Variants in NFIA observed in about 807,000 individuals in gnomAD.
NFIA encodes nuclear factor I A.
NFIA carries 8 observed loss-of-function variants against 62.8 expected under a neutral mutation model. The ratio of observed to expected loss-of-function variants is 0.13; its 90% CI spans 0.07 to 0.23. NFIA has a LOEUF of 0.23. NFIA is among the 10% of genes least tolerant of loss of function. The pLI is 1.00. For synonymous variants in NFIA, 235 were observed against 238.1 expected (o/e 0.99, Z 0.12); for missense variants, 410 against 642.1 (o/e 0.64, Z 3.91).
intron 2 of NFIA, among the ~76,000 whole-genome samples, chr1:61,152,754 T>G (rs1173544566): frequency 6.6e-6 from 1 of 152,214 alleles, no homozygotes; most frequent in African/African-American, 2.4e-5. Flanking sequence ...AAATTTGAGC[T>G]CTGCCTCCAC....
chr1:61,079,279 A>G (rs1030200664), upstream of NFIA, among the ~76,000 whole-genome samples: 7 of 152,258 alleles, frequency 4.6e-5, no homozygotes, highest in Admixed American at 4.6e-4. Context: ...GTCGCTTATG[A>G]ATCCCAGTCC....
chr1:61,343,276 T>G (rs572533371), intron 4 of NFIA, among the ~76,000 whole-genome samples: 3 of 152,364 alleles, frequency 2.0e-5, no homozygotes, highest in Admixed American at 2.0e-4. Context: ...TAATTATCTG[T>G]CAAAGATAAA....
intron 2 of NFIA, among the ~76,000 whole-genome samples, chr1:61,183,583 G>C (rs918392430): frequency 6.6e-6 from 1 of 152,232 alleles, no homozygotes; most frequent in African/African-American, 2.4e-5. Flanking sequence ...TGGCCAATCA[G>C]ATGTGATCTT....
In NFIA at chr1:61,226,077, CAT is replaced by C. The variant is rs927018767; in HGVS notation, c.560-51442_560-51441del. On this transcript the variant is annotated intron_variant, in intron 2 of 10. Transcript: ENST00000403491. ...AATGAAACAGTGGACATACAACAAA[CAT>C]GTGTAACAGAAGAAAACCCAACTTT... 1.4e-4 allele frequency among the ~76,000 whole-genome samples: 21 copies of C among 152,248 alleles called. 1 individual carries two copies. In the South Asian group the frequency reaches 2.9e-3, roughly 21 times the overall value.
rs1485714323 is a variant in NFIA, at chr1:61,367,048, G to A, written c.946+7774G>A. Among the ~76,000 whole-genome samples, 3 of 152,248 alleles carry A rather than the reference G, an allele frequency of 2.0e-5. No individual in the cohort carries two copies. The East Asian group carries it at 5.8e-4, about 29-fold the overall frequency. On this transcript the variant is annotated intron_variant, in intron 6 of 10. Transcript: ENST00000403491. ...GAATATTTCGGTAAACATCTGGTCA[G>A]TCAGCGACCCAGGGCATTCAGAACT...
At chr1:61,142,360 C>T (rs971736680) in intron 2 of NFIA, among the ~76,000 whole-genome samples, 1 of 152,064 alleles carries the variant, frequency 6.6e-6, no homozygotes, top group African/African-American at 2.4e-5. Flanking sequence ...GGCTGAGTCC[C>T]GGCAAATTTC....
At chr1:61,218,302 C>T (rs187881309) in intron 2 of NFIA, among the ~76,000 whole-genome samples, 3 of 152,224 alleles carry the variant, frequency 2.0e-5, no homozygotes, top group Admixed American at 2.0e-4. Context: ...GGTTCTTCAC[C>T]GAATGTTCAT....
At chr1:61,244,835 C>A (rs554380666) in intron 2 of NFIA, among the ~76,000 whole-genome samples, 2 of 152,128 alleles carry the variant, frequency 1.3e-5, no homozygotes, top group South Asian at 4.1e-4. Context: ...TACGTACACA[C>A]CTAATAGACT....
At chr1:61,213,116 A>G (rs994071135) in intron 2 of NFIA, among the ~76,000 whole-genome samples, 1 of 152,236 alleles carries the variant, frequency 6.6e-6, no homozygotes, top group African/African-American at 2.4e-5. Context: ...AAATCGGGAA[A>G]GTATAACCCC....
intron 2 of NFIA, among the ~76,000 whole-genome samples, chr1:61,161,363 G>A (rs188127340): frequency 1.4e-3 from 218 of 152,296 alleles, no homozygotes; most frequent in African/African-American, 5.0e-3. Flanking sequence ...AGACCTCCTC[G>A]ATGAGGTCTA....
chr1:61,406,828 C>T (rs1665862766), intron 9 of NFIA, 101 bp downstream of exon 9: 1 of 1,283,690 alleles, frequency 7.8e-7, no homozygotes, highest in Non-Finnish European at 1.0e-6. Context: ...TAGAAAGAGG[C>T]ACAGATCCCC....
chr1:61,272,935 A>C (rs1657602213), intron 2 of NFIA, among the ~76,000 whole-genome samples: 2 of 152,200 alleles, frequency 1.3e-5, no homozygotes, highest in South Asian at 4.1e-4. Flanking sequence ...ATAAAATTCT[A>C]ACAAAGGCTC....
intron 3 of NFIA, among the ~76,000 whole-genome samples, chr1:61,277,886 A>T (rs551930146): frequency 9.6e-4 from 146 of 151,732 alleles, no homozygotes; most frequent in African/African-American, 3.4e-3. Context: ...ACCAAATCAG[A>T]TTTTTTTTTA....
chr1:61,255,291 C>T (rs1656308631), intron 2 of NFIA, among the ~76,000 whole-genome samples: 1 of 152,194 alleles, frequency 6.6e-6, no homozygotes. Flanking sequence ...GTCAGCAATA[C>T]GCTCCTTGTT....
chr1:61,385,205 C>T (rs1011089902), intron 7 of NFIA, among the ~76,000 whole-genome samples: 4 of 151,860 alleles, frequency 2.6e-5, no homozygotes, highest in Non-Finnish European at 4.4e-5. Context: ...CCACTGCACT[C>T]CAGCCTGGGC....
At chr1:61,310,797 T>C (rs1660065478) in intron 3 of NFIA, among the ~76,000 whole-genome samples, 1 of 150,154 alleles carries the variant, frequency 6.7e-6, no homozygotes, top group African/African-American at 2.5e-5. Flanking sequence ...CCTTCCTTCC[T>C]CTGAATTTCC....
intron 2 of NFIA, among the ~76,000 whole-genome samples, chr1:61,100,183 C>T (rs886144770): frequency 1.3e-5 from 2 of 152,184 alleles, no homozygotes; most frequent in Admixed American, 1.3e-4. Context: ...CCTTAAGGCC[C>T]AAACCTTCTT....
intron 2 of NFIA, among the ~76,000 whole-genome samples, chr1:61,235,990 T>C (rs1488055105): frequency 6.6e-6 from 1 of 152,130 alleles, no homozygotes; most frequent in Non-Finnish European, 1.5e-5. Flanking sequence ...TGGGGAATGA[T>C]ATGTTATTTA....
intron 2 of NFIA, among the ~76,000 whole-genome samples, chr1:61,239,778 G>C (rs1655228615): frequency 6.6e-6 from 1 of 152,050 alleles, no homozygotes; most frequent in Non-Finnish European, 1.5e-5. Context: ...CACTAGAATT[G>C]GGTGTCTTTT....
Sources: gnomAD v4.1 joint callset for allele counts (sites outside exome capture counted in the v4.1 genomes callset) on GRCh38, gnomAD v4.1.1 for gene constraint, MANE v1.5 for transcripts, NCBI Gene and HGNC (gene_info 2026-07-23, HGNC 2026-07-21) for gene names.